The following LINGO2 variants were observed in gnomAD, a reference collection of about 807,000 sequenced individuals.
The protein encoded by LINGO2 is leucine rich repeat and Ig domain containing 2.
In LINGO2, 14 loss-of-function variants were observed where a neutral mutation model predicts 30.6. That is an observed-to-expected ratio of 0.46 (90% CI 0.30 to 0.72). LINGO2 has a LOEUF of 0.72. Among genes scored for constraint, LINGO2 ranks in the 30% least tolerant of loss-of-function variants. The pLI, the probability that LINGO2 is intolerant of heterozygous loss-of-function variation, is 0.07. For missense variants in LINGO2, 729 were observed against 751.7 expected (o/e 0.97, Z 0.35); for synonymous variants, 317 against 288.5 (o/e 1.10, Z -1.00).
intron 2 of LINGO2, among the ~76,000 whole-genome samples, chr9:28,410,128 G>A (rs1002151603): frequency 4.1e-5 from 6 of 145,882 alleles, no homozygotes; most frequent in Middle Eastern, 3.7e-3. Context: ...AAAGGAGGAA[G>A]GGAAAGAGAA....
intron 4 of LINGO2, among the ~76,000 whole-genome samples, chr9:28,122,783 G>C (rs1343978971): frequency 6.6e-6 from 1 of 152,102 alleles, no homozygotes; most frequent in Non-Finnish European, 1.5e-5. Flanking sequence ...TTTCATATAA[G>C]AGTTCAATTA....
chr9:28,827,246 A>T, the LINGO2 span, among the ~76,000 whole-genome samples: 2 of 152,132 alleles, frequency 1.3e-5, no homozygotes, highest in Non-Finnish European at 2.9e-5. Context: ...TCTTTCCAAT[A>T]TTCATGGTAA....
intron 4 of LINGO2, among the ~76,000 whole-genome samples, chr9:28,203,082 A>G (rs907724976): frequency 2.6e-5 from 4 of 152,228 alleles, no homozygotes; most frequent in African/African-American, 4.8e-5. Flanking sequence ...TAAAATTACA[A>G]TGAAATGTAT....
At chr9:28,158,882 C>T (rs908383151) in intron 4 of LINGO2, among the ~76,000 whole-genome samples, 1 of 152,150 alleles carries the variant, frequency 6.6e-6, no homozygotes, top group African/African-American at 2.4e-5. Context: ...TTTTTACTTC[C>T]ATTGTAAACA....
chr9:28,051,157 T>C (rs1032030869), intron 4 of LINGO2, among the ~76,000 whole-genome samples: 18 of 144,742 alleles, frequency 1.2e-4, no homozygotes, highest in Non-Finnish European at 2.1e-4. Context: ...TGGTGGTTAG[T>C]TGAGGCACAT....
intron 4 of LINGO2, among the ~76,000 whole-genome samples, chr9:28,056,869 A>G (rs1824958210): frequency 6.6e-6 from 1 of 152,204 alleles, no homozygotes; most frequent in African/African-American, 2.4e-5. Flanking sequence ...TTTTTAAAAT[A>G]CAAGAATGAT....
At chr9:28,151,483 G>T (rs1443449361) in intron 4 of LINGO2, among the ~76,000 whole-genome samples, 2 of 151,776 alleles carry the variant, frequency 1.3e-5, no homozygotes, top group East Asian at 3.9e-4. Context: ...TATTTAGATT[G>T]AATGGTAATA....
intron 2 of LINGO2, among the ~76,000 whole-genome samples, chr9:28,375,301 G>A (rs1381226448): frequency 2.6e-5 from 4 of 152,256 alleles, no homozygotes; most frequent in South Asian, 2.1e-4. Context: ...ATTATTCCCC[G>A]GTTCAGCCTG....
chr9:28,795,964 C>A, the LINGO2 span, among the ~76,000 whole-genome samples: 1 of 139,854 alleles, frequency 7.2e-6, no homozygotes, highest in Non-Finnish European at 1.5e-5. Context: ...CTTTATATAT[C>A]TATATGGCCA....
rs1053889743 is a variant in LINGO2 at position 28,511,427 on chromosome 9, T to C, written c.-364-35402A>G. 3.3e-5 allele frequency among the ~76,000 whole-genome samples: 5 copies of C among 152,100 alleles called. No individual in the cohort carries two copies. In the East Asian group the frequency reaches 7.8e-4, roughly 24 times the overall value. ...GTGGCCGTAGCCAGGTCAGCCGTGG[T>C]GAGTACATGTTGCTGAACCCATGTA... On this transcript the variant is annotated intron_variant, in intron 1 of 5. Transcript: ENST00000379992.
the LINGO2 span, among the ~76,000 whole-genome samples, chr9:28,860,292 G>A: frequency 6.6e-6 from 1 of 152,030 alleles, no homozygotes; most frequent in African/African-American, 2.4e-5. Flanking sequence ...GTGATTTTTG[G>A]AAGAGAATAA....
At chr9:28,310,988 A>G (rs562520917) in intron 3 of LINGO2, among the ~76,000 whole-genome samples, 5 of 152,128 alleles carry the variant, frequency 3.3e-5, no homozygotes, top group Admixed American at 2.0e-4. Flanking sequence ...ATTCAGCCAG[A>G]TATTGGGCGA....
intron 1 of LINGO2, among the ~76,000 whole-genome samples, chr9:28,567,598 G>A (rs7030022): frequency 0.075 from 11,426 of 151,998 alleles, 648 homozygotes; most frequent in African/African-American, 0.16. Flanking sequence ...TAAGCAATGT[G>A]TACACATGGA....
chr9:28,097,800 C>T (rs1205037662), intron 4 of LINGO2, among the ~76,000 whole-genome samples: 1 of 151,294 alleles, frequency 6.6e-6, no homozygotes, highest in Non-Finnish European at 1.5e-5. Flanking sequence ...CTAACCTGCA[C>T]ATTGTGCACA....
At chr9:28,555,803 T>C (rs1283039189) in intron 1 of LINGO2, among the ~76,000 whole-genome samples, 1 of 151,872 alleles carries the variant, frequency 6.6e-6, no homozygotes, top group Non-Finnish European at 1.5e-5. Context: ...TCCACCATGA[T>C]CAAGTGGGCT....
chr9:28,618,890 T>A (rs79994257), intron 1 of LINGO2, among the ~76,000 whole-genome samples: 9 of 150,052 alleles, frequency 6.0e-5, no homozygotes, highest in Middle Eastern at 3.4e-3. Flanking sequence ...GGAAAAAAAA[T>A]TTGTTACTGT....
chr9:28,141,874 T>G (rs1827682912), intron 4 of LINGO2, among the ~76,000 whole-genome samples: 1 of 152,164 alleles, frequency 6.6e-6, no homozygotes. Flanking sequence ...ATCGCGCCAT[T>G]GCACTCCAGC....
intron 2 of LINGO2, among the ~76,000 whole-genome samples, chr9:28,455,189 C>T (rs1165966266): frequency 6.6e-6 from 1 of 151,882 alleles, no homozygotes; most frequent in Non-Finnish European, 1.5e-5. Context: ...CAATGGGAGA[C>T]ATCGGTTAAG....
At chr9:28,047,031 T>C (rs929106045) in intron 4 of LINGO2, among the ~76,000 whole-genome samples, 5 of 152,052 alleles carry the variant, frequency 3.3e-5, no homozygotes, top group African/African-American at 1.2e-4. Flanking sequence ...TAGCAGCCCC[T>C]AAGTAATGCT....
Sources: allele counts gnomAD v4.1 joint callset (sites outside exome capture counted in the v4.1 genomes callset), GRCh38; gene constraint gnomAD v4.1.1; transcripts MANE v1.5; gene names NCBI Gene and HGNC (gene_info 2026-07-23, HGNC 2026-07-21).